Variants in OR51B5 observed in about 807,000 individuals in gnomAD.
OR51B5 encodes olfactory receptor 51B5.
For missense variants in OR51B5, 456 were observed against 374.6 expected, an observed-to-expected ratio of 1.22 and a Z score of -1.79; for synonymous variants, 186 against 144.8, an observed-to-expected ratio of 1.28 and a Z score of -2.04.
At chr11:5,352,135 C>T (rs756383555) in intron 1 of OR51B5, 11 of 1,614,138 alleles carry the variant, frequency 6.8e-6, no homozygotes, top group Non-Finnish European at 9.3e-6. Context: ...GTTGGACTTT[C>T]TCATCATCTT....
At chr11:5,429,591 G>C (rs192386843) in intron 1 of OR51B5, among the ~76,000 whole-genome samples, 9 of 152,212 alleles carry the variant, frequency 5.9e-5, no homozygotes, top group Middle Eastern at 3.4e-3. Flanking sequence ...GTTCCCACTT[G>C]ACCAAGGTTT....
intron 1 of OR51B5, among the ~76,000 whole-genome samples, chr11:5,488,319 CT>C (rs1851525938): frequency 1.3e-5 from 2 of 152,090 alleles, no homozygotes; most frequent in Non-Finnish European, 2.9e-5. Context: ...AGGAATGAGA[CT>C]CCCTAGGTAA....
At chr11:5,398,044 C>T (rs1265373877) in intron 1 of OR51B5, among the ~76,000 whole-genome samples, 1 of 151,884 alleles carries the variant, frequency 6.6e-6, no homozygotes, top group Non-Finnish European at 1.5e-5. Context: ...CACACCGGGG[C>T]CTGTTGTGGG....
At chr11:5,468,265 A>G (rs1851168126) in intron 1 of OR51B5, among the ~76,000 whole-genome samples, 2 of 152,250 alleles carry the variant, frequency 1.3e-5, no homozygotes, top group Admixed American at 1.3e-4. Flanking sequence ...GTCTGAGAGA[A>G]GTCACTTGTG....
chr11:5,491,644 G>A (rs576798154), intron 1 of OR51B5, among the ~76,000 whole-genome samples: 1 of 152,282 alleles, frequency 6.6e-6, no homozygotes, highest in South Asian at 2.1e-4. Flanking sequence ...AATAAGTCAG[G>A]CTCCACTGAA....
chr11:5,385,945 T>C (rs1233341830), intron 1 of OR51B5, among the ~76,000 whole-genome samples: 2 of 51,272 alleles, frequency 3.9e-5, no homozygotes, highest in East Asian at 1.2e-3. Flanking sequence ...AAGTATGTTC[T>C]ATATATATAT....
intron 1 of OR51B5, among the ~76,000 whole-genome samples, chr11:5,357,570 TAGACAGATCAACG>T (rs1849214704): frequency 1.3e-5 from 2 of 151,738 alleles, no homozygotes; most frequent in South Asian, 2.1e-4. Flanking sequence ...AGATCAACAT[TAGACAGATCAACG>T]AGACAGAAAG....
intron 1 of OR51B5, among the ~76,000 whole-genome samples, chr11:5,360,005 A>G (rs1849256040): frequency 6.6e-6 from 1 of 152,244 alleles, no homozygotes; most frequent in Non-Finnish European, 1.5e-5. Flanking sequence ...AAGATGGATT[A>G]CAGACTTAAA....
intron 1 of OR51B5, among the ~76,000 whole-genome samples, chr11:5,370,172 T>G (rs1310118794): frequency 6.6e-6 from 1 of 152,204 alleles, no homozygotes; most frequent in African/African-American, 2.4e-5. Context: ...TTAAAAATAA[T>G]GCTCATAATC....
At chr11:5,480,605 C>T (rs1043575070) in intron 1 of OR51B5, among the ~76,000 whole-genome samples, 9 of 151,524 alleles carry the variant, frequency 5.9e-5, no homozygotes, top group African/African-American at 9.7e-5. Flanking sequence ...ATTGATAGAC[C>T]GCTAGCAAGA....
At chr11:5,456,824 C>A (rs957502842) in intron 1 of OR51B5, among the ~76,000 whole-genome samples, 6 of 152,110 alleles carry the variant, frequency 3.9e-5, no homozygotes, top group Admixed American at 6.6e-5. Context: ...ATTTCTCATG[C>A]ATAGTTTAGA....
intron 1 of OR51B5, among the ~76,000 whole-genome samples, chr11:5,398,769 ACT>A (rs1849921602): frequency 6.6e-6 from 1 of 151,640 alleles, no homozygotes; most frequent in Non-Finnish European, 1.5e-5. Flanking sequence ...CTTCTTGCTC[ACT>A]CTCTCTTGCC....
At chr11:5,417,419 T>G (rs1308981210) in intron 1 of OR51B5, among the ~76,000 whole-genome samples, 1 of 151,982 alleles carries the variant, frequency 6.6e-6, no homozygotes, top group East Asian at 2.0e-4. Flanking sequence ...AAGCCAAAAT[T>G]GACAAATGGG....
chr11:5,384,658 C>T (rs889804413), intron 1 of OR51B5, among the ~76,000 whole-genome samples: 2 of 152,202 alleles, frequency 1.3e-5, no homozygotes, highest in Admixed American at 6.5e-5. Context: ...TATACACACC[C>T]TCTCCTTACT....
At chr11:5,401,739 C>A (rs375866417) in intron 1 of OR51B5, among the ~76,000 whole-genome samples, 2 of 137,016 alleles carry the variant, frequency 1.5e-5, no homozygotes, top group Non-Finnish European at 3.3e-5. Context: ...GACATCTCCA[C>A]ACCAACTCAA....
chr11:5,343,424 A>G (rs763756903), exon 1 of OR51B5: 1 of 1,612,990 alleles, frequency 6.2e-7, no homozygotes, highest in Non-Finnish European at 8.5e-7. Flanking sequence ...AAGGATGGAT[A>G]TATACATGAA....
intron 1 of OR51B5, chr11:5,505,303 G>T: frequency 7.7e-7 from 1 of 1,297,160 alleles, no homozygotes; most frequent in Non-Finnish European, 1.0e-6. Context: ...GGAAATTTGG[G>T]GTTCAATGTA....
chr11:5,455,579 A>AAGAGAGAGGAGAGAG (rs1440920892), intron 1 of OR51B5: 97 of 97,686 alleles, frequency 9.9e-4, no homozygotes, highest in African/African-American at 4.2e-3. Flanking sequence ...GAGAGAGAGA[A>AAGAGAGAGGAGAGAG]AGAGAAAGAG....
chr11:5,378,291 A>G (rs911054880), intron 1 of OR51B5, among the ~76,000 whole-genome samples: 1 of 152,064 alleles, frequency 6.6e-6, no homozygotes, highest in Admixed American at 6.6e-5. Context: ...CCTTCCTTAC[A>G]CCTTATACAA....
Sources: allele counts gnomAD v4.1 joint callset (sites outside exome capture counted in the v4.1 genomes callset), GRCh38; gene constraint gnomAD v4.1.1; transcripts MANE v1.5; gene names NCBI Gene and HGNC (gene_info 2026-07-23, HGNC 2026-07-21).